The following TCF7L2 variants were observed in gnomAD, a reference collection of about 807,000 sequenced individuals.
TCF7L2 encodes transcription factor 7 like 2, also known as transcription factor 7-like 2.
In TCF7L2, 23 loss-of-function variants were observed where a neutral mutation model predicts 77.9. That is an observed-to-expected ratio of 0.30 (90% confidence interval 0.21 to 0.42). The LOEUF is 0.42. Ranked by LOEUF, TCF7L2 falls within the 10% of genes least tolerant of loss-of-function variation. TCF7L2 has a pLI of 1.00. For missense variants in TCF7L2, 654 were observed against 793.1 expected, an observed-to-expected ratio of 0.82 and a Z score of 2.11; for synonymous variants, 413 against 340.2, an observed-to-expected ratio of 1.21 and a Z score of -2.36.
Position 113,017,873 on chromosome 10 carries a change from G to C in TCF7L2, c.451-22152G>C, listed in dbSNP as rs561828072. Among the ~76,000 whole-genome samples the C allele has an allele frequency of 3.9e-5, 6 of 152,298 alleles. No individual in the cohort carries two copies. In the South Asian group the frequency reaches 8.3e-4, roughly 21 times the overall value. On this transcript the variant is annotated intron_variant, in intron 4 of 13. Transcript: ENST00000627217. The stretch of plus-strand genomic sequence containing the variant: ...AGAGTTACGTTTCTATTCATTTTAT[G>C]GATTAGAAAGCTGAGATCCAGAGCG...
intron 2 of TCF7L2, 85 bp downstream of exon 2, chr10:112,951,358 C>T (rs1386381768): frequency 4.1e-6 from 4 of 987,314 alleles, no homozygotes; most frequent in South Asian, 4.5e-5. Context: ...GCGCCCGGCT[C>T]GGCCTGGCCC....
chr10:113,021,027 C>T (rs554398305), intron 4 of TCF7L2, among the ~76,000 whole-genome samples: 95 of 152,328 alleles, frequency 6.2e-4, no homozygotes, highest in African/African-American at 2.1e-3. Context: ...TCTCTTCTGT[C>T]TCTAGTATAC....
intron 11 of TCF7L2, 37 bp from the exon 12 acceptor site, chr10:113,157,984 C>T (rs2137359856): frequency 1.3e-6 from 2 of 1,561,536 alleles, no homozygotes; most frequent in Non-Finnish European, 1.7e-6. Context: ...ACATCTGTTT[C>T]TTGCAGTAAT....
intron 8 of TCF7L2, among the ~76,000 whole-genome samples, chr10:113,148,600 A>G (rs544748008): frequency 6.6e-6 from 1 of 152,346 alleles, no homozygotes; most frequent in African/African-American, 2.4e-5. Flanking sequence ...ACAGCCAGAA[A>G]CAAAAATTAG....
chr10:112,961,254 A>ACCGCC lies in TCF7L2; in HGVS notation c.382-3300_382-3299insGCCCC, dbSNP rs1349844083. The stretch of plus-strand genomic sequence containing the variant: ...GGTCTCGAACTCCCGACCTCAGGTG[A>ACCGCC]CCCCCCCCCCCCCAACCTCGGCCTT... On this transcript the variant is annotated intron_variant, in intron 3 of 13. Coordinates refer to ENST00000627217, the MANE Select transcript of TCF7L2 (RefSeq NM_001146274.2). Among the ~76,000 whole-genome samples the ACCGCC allele has an allele frequency of 8.0e-3, 480 of 60,134 alleles. 23 individuals carry two copies. Among genetic ancestry groups the ACCGCC allele is most frequent in the African/African-American group, 0.011 (74 of 6,692 alleles). The allele number at this position is 60,134 out of a possible 152,430, so 39.5% of individuals were successfully genotyped here.
intron 5 of TCF7L2, among the ~76,000 whole-genome samples, chr10:113,124,886 C>G (rs1438254954): frequency 1.3e-5 from 2 of 151,988 alleles, no homozygotes; most frequent in Non-Finnish European, 2.9e-5. Context: ...AGGAGTCTAG[C>G]GGGCACTCTT....
At chr10:113,116,490 A>C (rs1329130011) in intron 5 of TCF7L2, among the ~76,000 whole-genome samples, 2 of 152,236 alleles carry the variant, frequency 1.3e-5, no homozygotes, top group Non-Finnish European at 2.9e-5. Context: ...AGAAAAATAA[A>C]CATTATATGT....
chr10:113,034,158 T>G (rs2134134066), intron 4 of TCF7L2, among the ~76,000 whole-genome samples: 1 of 152,348 alleles, frequency 6.6e-6, no homozygotes, highest in South Asian at 2.1e-4. Context: ...TTGTGTCTAC[T>G]AGGTGTGTGT....
intron 4 of TCF7L2, among the ~76,000 whole-genome samples, chr10:112,974,229 T>C (rs2038911639): frequency 6.6e-6 from 1 of 152,232 alleles, no homozygotes; most frequent in Admixed American, 6.5e-5. Context: ...TTTGTACGAG[T>C]TGAGATATTT....
intron 4 of TCF7L2, among the ~76,000 whole-genome samples, chr10:113,008,479 T>C (rs1297801074): frequency 1.3e-5 from 2 of 152,236 alleles, no homozygotes; most frequent in Non-Finnish European, 2.9e-5. Context: ...TTGGATTCTT[T>C]AGTGTGGCTT....
intron 4 of TCF7L2, among the ~76,000 whole-genome samples, chr10:113,007,609 C>G (rs981073914): frequency 2.6e-5 from 4 of 152,332 alleles, no homozygotes; most frequent in African/African-American, 9.6e-5. Flanking sequence ...CAGAGTGATT[C>G]TGCCACATTT....
chr10:112,964,149 T>C (rs2035958751), intron 3 of TCF7L2, among the ~76,000 whole-genome samples: 1 of 152,160 alleles, frequency 6.6e-6, no homozygotes, highest in Admixed American at 6.5e-5. Context: ...ATCTTTTCTC[T>C]CCTAATCCTT....
chr10:113,137,881 C>T (rs2067655851), intron 5 of TCF7L2, among the ~76,000 whole-genome samples: 1 of 152,162 alleles, frequency 6.6e-6, no homozygotes, highest in Non-Finnish European at 1.5e-5. Context: ...TATAGTGGGA[C>T]CAAGAAGGGT....
chr10:112,963,541 A>G (rs1445299125), intron 3 of TCF7L2, among the ~76,000 whole-genome samples: 2 of 152,270 alleles, frequency 1.3e-5, no homozygotes, highest in Non-Finnish European at 2.9e-5. Context: ...TCACAGGGTC[A>G]TCTGATTCCT....
intron 5 of TCF7L2, among the ~76,000 whole-genome samples, chr10:113,049,194 C>T (rs956212517): frequency 1.3e-5 from 2 of 152,024 alleles, no homozygotes; most frequent in Admixed American, 1.3e-4. Flanking sequence ...GCTGCCCCCC[C>T]GCCCCCTGAC....
At chr10:113,005,601 C>CT (rs2045397331) in intron 4 of TCF7L2, among the ~76,000 whole-genome samples, 1 of 152,124 alleles carries the variant, frequency 6.6e-6, no homozygotes, top group Non-Finnish European at 1.5e-5. Context: ...TTGTGGTTAT[C>CT]TCACCCCCTG....
chr10:113,146,177 C>G, intron 8 of TCF7L2, 80 bp downstream of exon 8: 1 of 1,255,564 alleles, frequency 8.0e-7, no homozygotes, highest in Non-Finnish European at 1.2e-6. Context: ...ACCAAGCCAC[C>G]CAGGGACCAC....
At chr10:113,044,221 T>C (rs1454609708) in intron 5 of TCF7L2, among the ~76,000 whole-genome samples, 1 of 152,208 alleles carries the variant, frequency 6.6e-6, no homozygotes, top group South Asian at 2.1e-4. Flanking sequence ...ATTGCTTAAA[T>C]GCTGCAAGAG....
At chr10:113,021,865 C>A (rs1347296812) in intron 4 of TCF7L2, among the ~76,000 whole-genome samples, 2 of 152,194 alleles carry the variant, frequency 1.3e-5, no homozygotes, top group African/African-American at 4.8e-5. Flanking sequence ...TTGGACTGAA[C>A]CAGAGGCTGG....
Sources: gnomAD v4.1 joint callset for allele counts (sites outside exome capture counted in the v4.1 genomes callset) on GRCh38, gnomAD v4.1.1 for gene constraint, MANE v1.5 for transcripts, NCBI Gene and HGNC (gene_info 2026-07-23, HGNC 2026-07-21) for gene names.